SPG7: variants seen among roughly 807,000 people sequenced by gnomAD.
SPG7 encodes mitochondrial inner membrane m-AAA protease component paraplegin.
In SPG7, 103 loss-of-function variants were observed where a neutral mutation model predicts 81.9. The ratio of observed to expected loss-of-function variants is 1.26; its 90% confidence interval spans 1.07 to 1.48. The LOEUF (loss-of-function observed/expected upper bound fraction) is 1.48, where lower values mean the gene tolerates loss of function less well. Among genes scored for constraint, SPG7 ranks in the 40% most tolerant of loss-of-function variants. The pLI, the probability that SPG7 is intolerant of heterozygous loss-of-function variation, is 0.00. For synonymous variants in SPG7, 534 were observed against 444.2 expected (o/e 1.20, Z -2.54); for missense variants, 1,241 against 1,087.3 (o/e 1.14, Z -1.99).
rs1597669555 is a variant in SPG7, at chr16:89,557,551, G to T, written c.*458G>T. The T allele has an allele frequency of 4.9e-6, 1 of 203,768 alleles. No homozygotes were observed. The highest frequency in any genetic ancestry group is 1.2e-4 in the East Asian group (1 of 8,164). The allele number at this position is 203,768 out of a possible 1,614,324, so 12.6% of individuals were successfully genotyped here. ...TGAGCCGATTGTCCTATCTCCAGCG[G>T]CCCTGTCATCCAGCTCACTCATCAA... is the stretch of plus-strand genomic sequence containing the variant. On this transcript the variant is annotated 3_prime_UTR_variant, in exon 17 of 17. Transcript: ENST00000645818.
intron 6 of SPG7, chr16:89,530,086 G>A (rs1470855714): frequency 2.2e-5 from 6 of 268,438 alleles, no homozygotes; most frequent in African/African-American, 4.5e-5. Context: ...TGATCCTCCC[G>A]CCTCAGCCTC....
intron 9 of SPG7, chr16:89,537,796 G>C (rs2058446216): frequency 1.0e-6 from 1 of 985,080 alleles, no homozygotes; most frequent in Non-Finnish European, 1.2e-6. Flanking sequence ...GTCCTGGGAA[G>C]CTGGGGTCCT....
chr16:89,546,371 T>C (rs2152409749), intron 10 of SPG7: 1 of 396,594 alleles, frequency 2.5e-6, no homozygotes, highest in East Asian at 5.9e-5. Flanking sequence ...AACAGTGTTC[T>C]GTTCGTGTTT....
rs769553124 is a variant in SPG7 at position 89,524,073 on chromosome 16, C to T, written c.444C>T (p.Ile148=). 24 of 1,613,812 alleles carry T rather than the reference C, an allele frequency of 1.5e-5. No homozygotes were observed. The highest frequency in any genetic ancestry group is 6.6e-5 in the South Asian group (6 of 91,080). The change falls in exon 4 of 17, where the codon ATC becomes ATT. Residue 148 remains isoleucine, a synonymous_variant. Transcript: ENST00000645818. ...AGCGGCTGCGCACCTTGCTGGTCAT[C>T]GCGGTTGTCATGAGCCTCCTGAATG... ...YRERLRTLLV[I]AVVMSLLNAL... is the part of the protein sequence containing the mutation.
upstream of SPG7, chr16:89,508,398 G>C (rs1011729629): frequency 2.8e-5 from 41 of 1,471,574 alleles, no homozygotes; most frequent in Non-Finnish European, 3.4e-5. Flanking sequence ...GGATCACGCA[G>C]GCGCGGCTTT....
At position 89,519,626 on chromosome 16, in the gene SPG7, C is replaced by T. The variant is rs1160589270; in HGVS notation, c.377-4380C>T. 2.0e-5 allele frequency: 3 copies of T among 152,292 alleles called. No individual in the cohort carries two copies. The South Asian group carries it at 6.2e-4, about 32-fold the overall frequency. The allele number at this position is 152,292 out of a possible 1,614,324, so 9.4% of individuals were successfully genotyped here. On this transcript the variant is annotated intron_variant, in intron 3 of 16. Transcript: ENST00000645818. ...CAGACTCCCGACCTCAGGTGATGCA[C>T]CCGCCTCAGCCTCCCGAAGTGCTGG...
intron 9 of SPG7, chr16:89,537,440 T>A (rs2058440692): frequency 9.8e-7 from 1 of 1,020,498 alleles, no homozygotes; most frequent in Non-Finnish European, 1.2e-6. Flanking sequence ...AGGCCTCCCT[T>A]CAACGTAGTC....
intron 16 of SPG7, chr16:89,555,494 C>T (rs1004445739): frequency 8.9e-5 from 15 of 168,712 alleles, no homozygotes; most frequent in African/African-American, 3.3e-4. Flanking sequence ...GAGGAGCCCC[C>T]GCCGACCCGC....
intron 9 of SPG7, chr16:89,536,706 G>A (rs899929815): frequency 1.9e-6 from 3 of 1,603,446 alleles, no homozygotes; most frequent in African/African-American, 2.7e-5. Flanking sequence ...TGCTCTGGCT[G>A]TGTGGCGTGG....
In SPG7 at chr16:89,537,121, C is replaced by T. The variant is rs945530700; in HGVS notation, c.1324+4485C>T. ...CAGAGCCACAGCTGTGCATGCTCAG[C>T]CCTGCCGAGGTCCCAGGCCAGGCTT... On this transcript the variant is annotated intron_variant, in intron 9 of 16. Coordinates refer to ENST00000645818, the MANE Select transcript of SPG7 (RefSeq NM_003119.4). 2.7e-6 allele frequency: 4 copies of T among 1,480,000 alleles called. No individual in the cohort carries two copies. In the African/African-American group the frequency reaches 4.2e-5, roughly 16 times the overall value. 91.7% of individuals were successfully genotyped at this position (1,480,000 alleles called of 1,614,324 possible). A position where few individuals can be genotyped will look rare whatever the true frequency, so the allele number is the denominator to read the frequency against.
chr16:89,544,454 C>G, intron 9 of SPG7, 194 bp from the exon 10 acceptor site: 1 of 628,474 alleles, frequency 1.6e-6, no homozygotes, highest in South Asian at 1.7e-5. Context: ...AGGCAAATTC[C>G]TGTTCCTCCT....
chr16:89,527,933 G>GA (rs374619339), intron 5 of SPG7, among the ~76,000 whole-genome samples: 238 of 141,156 alleles, frequency 1.7e-3, no homozygotes, highest in Non-Finnish European at 1.8e-3. Context: ...CATCTCTACA[G>GA]AAAAAAAAAA....
At position 89,548,225 on chromosome 16, in the gene SPG7, C is replaced by T. The variant is rs182191298; in HGVS notation, c.1663+112C>T. The T allele has an allele frequency of 9.5e-4, 713 of 753,284 alleles. 3 individuals are homozygous for T. In the African/African-American group the frequency reaches 0.011, roughly 12 times the overall value. 46.7% of individuals were successfully genotyped at this position (753,284 alleles called of 1,614,324 possible). ...GATGGAACCATCACACAGGAAGGAACACACGTTGCGTTTCAGTTCTGCGTA... is the reference window on the plus strand; with the variant it reads ...GATGGAACCATCACACAGGAAGGAATACACGTTGCGTTTCAGTTCTGCGTA... On this transcript the variant is annotated intron_variant, in intron 12 of 16. Coordinates refer to ENST00000645818, the MANE Select transcript of SPG7 (RefSeq NM_003119.4).
rs1341360028 is a variant in SPG7 at position 89,526,321 on chromosome 16, C to G, written c.619-8C>G. The G allele has an allele frequency of 3.1e-6, 5 of 1,613,710 alleles. No individual in the cohort carries two copies. The highest frequency in any genetic ancestry group is 4.2e-6 in the Non-Finnish European group (5 of 1,179,794). On this transcript the variant is annotated splice_polypyrimidine_tract_variant and splice_region_variant and intron_variant, in intron 4 of 16. Coordinates refer to ENST00000645818, the MANE Select transcript of SPG7 (RefSeq NM_003119.4). The stretch of plus-strand genomic sequence containing the variant: ...TTCTCATGGTCCCCTCTCCTTTCTG[C>G]CCCCCAGCGGCTAGCCTTGATGTAC...
intron 3 of SPG7, among the ~76,000 whole-genome samples, chr16:89,513,979 A>C (rs1388016131): frequency 1.3e-5 from 2 of 151,948 alleles, no homozygotes; most frequent in African/African-American, 4.8e-5. Context: ...GTCCTTCTTG[A>C]TTGATTTTGT....
rs577802159 is a variant in SPG7 at position 89,546,580 on chromosome 16, C to G, written c.1450-78C>G. 71 of 956,588 alleles carry G rather than the reference C, an allele frequency of 7.4e-5. No individual in the cohort carries two copies. The Admixed American group carries it at 7.6e-4, about 10-fold the overall frequency. 59.3% of individuals were successfully genotyped at this position (956,588 alleles called of 1,614,324 possible). A position where few individuals can be genotyped will look rare whatever the true frequency, so the allele number is the denominator to read the frequency against. On this transcript the variant is annotated intron_variant, in intron 10 of 16. Transcript: ENST00000645818. ...TCCCAGCTACTTGGGGACCCCCCCC[C>G]CCCACAGACAAACATGCCGCACCTG...
chr16:89,545,122 G>A, intron 10 of SPG7: 1 of 367,442 alleles, frequency 2.7e-6, no homozygotes, highest in Non-Finnish European at 5.3e-6. Context: ...ACAAAATCCA[G>A]GAGGAAAAAT....
chr16:89,534,018 T>G (rs2058380902), intron 9 of SPG7, among the ~76,000 whole-genome samples: 1 of 152,184 alleles, frequency 6.6e-6, no homozygotes, highest in African/African-American at 2.4e-5. Context: ...TAAAAGACAA[T>G]GAATACGTTC....
rs987551305 is a variant in SPG7, at chr16:89,536,884, C to T, written c.1324+4248C>T. The T allele has an allele frequency of 2.2e-5, 36 of 1,614,068 alleles. No homozygotes were observed. In the Admixed American group the frequency reaches 4.2e-4, roughly 19 times the overall value. ...ACGGAGGGCAATGGAGGGTCATTCG[C>T]TCTGCTGGGGTTGCCTTTTGCACTG... On this transcript the variant is annotated intron_variant, in intron 9 of 16. Transcript: ENST00000645818.
Sources: gnomAD v4.1 joint callset for allele counts (sites outside exome capture counted in the v4.1 genomes callset) on GRCh38, gnomAD v4.1.1 for gene constraint, MANE v1.5 for transcripts, NCBI Gene and HGNC (gene_info 2026-07-23, HGNC 2026-07-21) for gene names.